OSBPL1A: variants seen among roughly 807,000 people sequenced by gnomAD.
OSBPL1A encodes the protein oxysterol binding protein like 1A.
A neutral mutation model predicts 137.1 loss-of-function variants in OSBPL1A; 80 were observed. The observed-to-expected ratio is 0.58, with a 90% CI of 0.49 to 0.70. The LOEUF (loss-of-function observed/expected upper bound fraction) is 0.70. Ranked by LOEUF, OSBPL1A falls within the 30% of genes least tolerant of loss-of-function variation. The pLI is 0.00. For synonymous variants in OSBPL1A, 365 were observed against 389.7 expected (o/e 0.94, Z 0.75); for missense variants, 970 against 1,129.4 (o/e 0.86, Z 2.02).
chr18:24,292,905 A>C (rs928585147), intron 14 of OSBPL1A, among the ~76,000 whole-genome samples: 1 of 152,006 alleles, frequency 6.6e-6, no homozygotes, highest in Non-Finnish European at 1.5e-5. Flanking sequence ...CAGGAGTTCA[A>C]GGCCAGCCTG....
intron 17 of OSBPL1A, among the ~76,000 whole-genome samples, chr18:24,203,580 G>A (rs963662142): frequency 6.6e-6 from 1 of 152,100 alleles, no homozygotes; most frequent in African/African-American, 2.4e-5. Flanking sequence ...CACACACGCT[G>A]GTTTTATTTT....
chr18:24,167,194 C>T, intron 25 of OSBPL1A, 135 bp downstream of exon 25: 1 of 750,944 alleles, frequency 1.3e-6, no homozygotes, highest in Non-Finnish European at 2.3e-6. Context: ...AAGGGAGCAC[C>T]CGGGAGCCAG....
intron 18 of OSBPL1A, among the ~76,000 whole-genome samples, chr18:24,191,707 C>G (rs572428205): frequency 6.6e-6 from 1 of 151,942 alleles, no homozygotes; most frequent in East Asian, 1.9e-4. Context: ...ATGAAGTAAT[C>G]GATAAAAGAC....
intron 1 of OSBPL1A, among the ~76,000 whole-genome samples, chr18:24,387,417 C>T (rs1246887180): frequency 6.6e-6 from 1 of 152,098 alleles, no homozygotes; most frequent in Non-Finnish European, 1.5e-5. Flanking sequence ...CACAATAGCA[C>T]AACTCCAGAA....
chr18:24,320,498 C>T (rs1016328653), intron 7 of OSBPL1A, among the ~76,000 whole-genome samples: 1 of 152,068 alleles, frequency 6.6e-6, no homozygotes. Flanking sequence ...GAAGGACATT[C>T]TAGCAGAGGA....
At chr18:24,342,509 G>A (rs1430151463) in intron 4 of OSBPL1A, among the ~76,000 whole-genome samples, 1 of 152,206 alleles carries the variant, frequency 6.6e-6, no homozygotes, top group South Asian at 2.1e-4. Context: ...CTTCTAGACT[G>A]ACAGTGCCTG....
intron 25 of OSBPL1A, 83 bp downstream of exon 25, chr18:24,167,246 G>A (rs1449719979): frequency 2.3e-6 from 3 of 1,300,956 alleles, no homozygotes; most frequent in African/African-American, 1.5e-5. Flanking sequence ...CATGCTGCCT[G>A]GGCCGACCCT....
Position 24,178,205 on chromosome 18 carries a change from TAAAAA to T in OSBPL1A, c.1911-15_1911-11del. The T allele has an allele frequency of 3.4e-6, 4 of 1,175,034 alleles. No homozygotes were observed. Among genetic ancestry groups the T allele is most frequent in the South Asian group, 1.9e-5 (1 of 53,662 alleles). The allele number at this position is 1,175,034 out of a possible 1,614,324, so 72.8% of individuals were successfully genotyped here. The stretch of plus-strand genomic sequence containing the variant: ...AAATCCAAGGTCATCTCTTAAGATT[TAAAAA>T]AAAAAAAAAAGAAAAAAAAAAGCAA... On this transcript the variant is annotated splice_polypyrimidine_tract_variant and intron_variant, in intron 20 of 27. Transcript: ENST00000319481.
chr18:24,295,486 A>G (rs771131166), intron 14 of OSBPL1A, among the ~76,000 whole-genome samples: 22 of 152,198 alleles, frequency 1.4e-4, no homozygotes, highest in Non-Finnish European at 2.5e-4. Flanking sequence ...TGCCTAGGCC[A>G]ATGTCCAGAA....
chr18:24,354,787 A>T (rs2091504094), intron 4 of OSBPL1A, among the ~76,000 whole-genome samples: 1 of 151,152 alleles, frequency 6.6e-6, no homozygotes, highest in African/African-American at 2.4e-5. Flanking sequence ...AGAAAGAAAA[A>T]GATGATGAAA....
At chr18:24,279,682 T>C (rs1266464786) in intron 15 of OSBPL1A, among the ~76,000 whole-genome samples, 1 of 152,150 alleles carries the variant, frequency 6.6e-6, no homozygotes, top group Non-Finnish European at 1.5e-5. Flanking sequence ...CTAGTGACCT[T>C]GACTTACATT....
rs2086286258 is a variant in OSBPL1A, at chr18:24,171,513, C to T, written c.2202-15G>A. 6.3e-7 allele frequency: 1 copy of T among 1,582,638 alleles called. No homozygotes were observed. Among genetic ancestry groups the T allele is most frequent in the Non-Finnish European group, 8.6e-7 (1 of 1,157,394 alleles). On this transcript the variant is annotated splice_polypyrimidine_tract_variant and intron_variant, in intron 22 of 27. Coordinates refer to ENST00000319481, the MANE Select transcript of OSBPL1A (RefSeq NM_080597.4). ...TGTCCCCAGTCCTATAAAGAAAATA[C>T]TAAGTTCAGATTATCATTTATTAGC...
At chr18:24,201,064 C>G (rs76620390) in intron 17 of OSBPL1A, among the ~76,000 whole-genome samples, 2 of 152,142 alleles carry the variant, frequency 1.3e-5, no homozygotes, top group Admixed American at 6.5e-5. Flanking sequence ...CAGTGATTCT[C>G]TCTCGGTGGA....
chr18:24,210,535 CT>C (rs11355890), intron 17 of OSBPL1A, among the ~76,000 whole-genome samples: 68,824 of 143,028 alleles, frequency 0.48, 17,159 homozygotes, highest in East Asian at 0.68. Flanking sequence ...TTTTCTTTTT[CT>C]TTTTTTTTTT....
chr18:24,341,610 T>A lies in OSBPL1A; in HGVS notation c.331A>T (p.Asn111Tyr). 1.2e-6 allele frequency: 2 copies of A among 1,613,140 alleles called. No individual in the cohort carries two copies. The highest frequency in any genetic ancestry group is 1.7e-6 in the Non-Finnish European group (2 of 1,179,564). The change falls in exon 5 of 28, where the codon AAT becomes TAT. Residue 111 changes from asparagine (N) to tyrosine (Y), a missense_variant. Physicochemically the swap from Asn to Tyr is moderately radical, Grantham distance 143. Transcript: ENST00000319481. ...LEYNADTTIV[N>Y]GSGQTAKEVT... ...TCTTTTGCTGTCTGTCCACTCCCAT[T>A]AACAATAGTAGTATCAGCATTATAT... is the stretch of plus-strand genomic sequence containing the variant.
intron 1 of OSBPL1A, among the ~76,000 whole-genome samples, chr18:24,381,080 G>A (rs1906557528): frequency 6.6e-6 from 1 of 152,180 alleles, no homozygotes; most frequent in Admixed American, 6.5e-5. Flanking sequence ...AAGCATGAAA[G>A]GAAAGACTTT....
At chr18:24,210,535 C>CTTTTTTTT (rs11355890) in intron 17 of OSBPL1A, among the ~76,000 whole-genome samples, 2 of 143,130 alleles carry the variant, frequency 1.4e-5, no homozygotes, top group Non-Finnish European at 3.0e-5. Flanking sequence ...TTTTCTTTTT[C>CTTTTTTTT]TTTTTTTTTT....
chr18:24,191,338 G>A (rs2086886169), intron 18 of OSBPL1A, among the ~76,000 whole-genome samples: 1 of 152,132 alleles, frequency 6.6e-6, no homozygotes, highest in East Asian at 1.9e-4. Context: ...AGAACTGAAT[G>A]ACATTACTGG....
At chr18:24,183,794 A>G (rs1400931112) in intron 18 of OSBPL1A, among the ~76,000 whole-genome samples, 1 of 152,066 alleles carries the variant, frequency 6.6e-6, no homozygotes. Context: ...TTACACCTTC[A>G]CTGTGTTTTG....
Sources: allele counts gnomAD v4.1 joint callset (sites outside exome capture counted in the v4.1 genomes callset), GRCh38; gene constraint gnomAD v4.1.1; transcripts MANE v1.5; gene names NCBI Gene and HGNC (gene_info 2026-07-23, HGNC 2026-07-21).